The following BTN3A2 variants were observed in gnomAD, a reference collection of about 807,000 sequenced individuals.
BTN3A2 encodes butyrophilin protein.
BTN3A2 carries 25 observed loss-of-function variants against 37.6 expected under a neutral mutation model. The observed-to-expected ratio is 0.66, with a 90% CI of 0.48 to 0.93. BTN3A2 has a LOEUF of 0.93. Among genes scored for constraint, BTN3A2 ranks in the 40% least tolerant of loss-of-function variants. The pLI, the probability that BTN3A2 is intolerant of heterozygous loss-of-function variation, is 0.00. For missense variants in BTN3A2, 266 were observed against 410.9 expected (o/e 0.65, Z 3.05); for synonymous variants, 122 against 159.4 (o/e 0.77, Z 1.77).
chr6:26,370,582 A>T lies in BTN3A2; in HGVS notation c.694A>T (p.Thr232Ser), dbSNP rs750127680. 4.2e-5 allele frequency: 68 copies of T among 1,614,094 alleles called. No individual in the cohort carries two copies. Among genetic ancestry groups the T allele is most frequent in the Non-Finnish European group, 5.8e-5 (68 of 1,180,044 alleles). Residue 232 changes from threonine to serine, a missense_variant, in exon 5 of 11, where the codon ACA (threonine) becomes TCA (serine). Coordinates refer to ENST00000377708, the MANE Select transcript of BTN3A2 (RefSeq NM_007047.5). ...AAATTCCCTCCTCGGCCTGGAAAAG[A>T]CAGCCAGCATTTCCATCGCAGGTCA... ...IRNSLLGLEKTASISIADPFF... is the reference protein window; with the variant it reads ...IRNSLLGLEKSASISIADPFF...
Position 26,373,407 on chromosome 6 carries a change from T to G in BTN3A2, c.958T>G (p.Leu320Val). The G allele has an allele frequency of 6.2e-7, 1 of 1,601,690 alleles. No homozygotes were observed. Among genetic ancestry groups the G allele is most frequent in the Non-Finnish European group, 8.5e-7 (1 of 1,176,708 alleles). Residue 320 changes from leucine to valine, a missense_variant, in exon 8 of 11, where the codon TTG becomes GTG. Around this residue, in one of 3 missense-constraint regions of BTN3A2, gnomAD observed 204 missense variants for 232.6 expected, o/e 0.88. Coordinates refer to ENST00000377708, the MANE Select transcript of BTN3A2 (RefSeq NM_007047.5). ...EELKRKKIQY[L>V]TRGEESSSDT... ...TGCAGAGAGGAAAAAAATCCAGTAC[T>G]TGACTCGTGAGTGGCTTTGACATTT...
At chr6:26,374,926 GACGCA>G in intron 10 of BTN3A2, 128 bp downstream of exon 10, 4 of 966,058 alleles carry the variant, frequency 4.1e-6, no homozygotes, top group Non-Finnish European at 6.2e-6. Flanking sequence ...TGGGTAGGAA[GACGCA>G]TAAAGGGTGG....
intron 1 of BTN3A2, among the ~76,000 whole-genome samples, chr6:26,366,364 A>G (rs1762059843): frequency 6.6e-6 from 1 of 152,188 alleles, no homozygotes; most frequent in African/African-American, 2.4e-5. Context: ...CAAATAATAC[A>G]ACATTTTAAA....
Position 26,376,889 on chromosome 6 carries a change from C to T in BTN3A2, c.*1127C>T, listed in dbSNP as rs1028508504. On this transcript the variant is annotated 3_prime_UTR_variant, in exon 11 of 11. Coordinates refer to ENST00000377708, the MANE Select transcript of BTN3A2 (RefSeq NM_007047.5). ...CTGATGGGAATAAGTATCGGGCTCT[C>T]ACTGAGCCCAGAACCAACCTGAAAC... 3 of 1,613,806 alleles carry T rather than the reference C, an allele frequency of 1.9e-6. No individual in the cohort carries two copies. The highest frequency in any genetic ancestry group is 2.7e-5 in the African/African-American group (2 of 74,890).
At chr6:26,371,515 T>C (rs1008151059) in intron 5 of BTN3A2, among the ~76,000 whole-genome samples, 8 of 152,202 alleles carry the variant, frequency 5.3e-5, no homozygotes, top group African/African-American at 1.9e-4. Flanking sequence ...ACTTCCTGTA[T>C]TTTTGATGTG....
At chr6:26,369,138 G>A (rs1759837945) in intron 4 of BTN3A2, among the ~76,000 whole-genome samples, 1 of 152,068 alleles carries the variant, frequency 6.6e-6, no homozygotes, top group Non-Finnish European at 1.5e-5. Context: ...CTTTCCTCTG[G>A]CCACCAGAGA....
chr6:26,373,086 T>G lies in BTN3A2; in HGVS notation c.905T>G (p.Ile302Arg), dbSNP rs1760282486. 6.2e-7 allele frequency: 1 copy of G among 1,613,932 alleles called. No individual in the cohort carries two copies. Among genetic ancestry groups the G allele is most frequent in the Non-Finnish European group, 8.5e-7 (1 of 1,180,030 alleles). The change falls in exon 6 of 11, where the codon ATA becomes AGA. Residue 302 changes from isoleucine to arginine, a missense_variant. Coordinates refer to ENST00000377708, the MANE Select transcript of BTN3A2 (RefSeq NM_007047.5). ...EMGYAATERE[I>R]SLRESLQEEL... is the part of the protein sequence containing the mutation. ...GGATATGCTGCAACAGAGCGGGAAA[T>G]AAGCCTAAGAGGTATCCAACGCAAG... is the stretch of plus-strand genomic sequence containing the variant.
At position 26,372,867 on chromosome 6, in the gene BTN3A2, G is replaced by A. The variant is rs751799747; in HGVS notation, c.716-30G>A. Reference sequence around the variant, plus strand: ...GGCTGGGGAGGCTGAGCGCACCAGCGCCCATGACCTACAGCTCTCCCCTTC... The same window carrying A: ...GGCTGGGGAGGCTGAGCGCACCAGCACCCATGACCTACAGCTCTCCCCTTC... On this transcript the variant is annotated intron_variant, in intron 5 of 10. Transcript: ENST00000377708. The A allele has an allele frequency of 1.9e-5, 30 of 1,611,878 alleles. No individual in the cohort carries two copies. In the Admixed American group the frequency reaches 2.7e-4, roughly 14 times the overall value.
chr6:26,372,766 G>A lies in BTN3A2; in HGVS notation c.716-131G>A, dbSNP rs1760240776. ...ATAGTCCTCTGAGACTTTAGGGAGA[G>A]AATCCTTATTTAACCTCATGAGATA... On this transcript the variant is annotated intron_variant, in intron 5 of 10. Coordinates refer to ENST00000377708, the MANE Select transcript of BTN3A2 (RefSeq NM_007047.5). 12 of 1,073,288 alleles carry A rather than the reference G, an allele frequency of 1.1e-5. No homozygotes were observed. In the South Asian group the frequency reaches 1.9e-4, roughly 17 times the overall value. The allele number at this position is 1,073,288 out of a possible 1,614,324, so 66.5% of individuals were successfully genotyped here. A position where few individuals can be genotyped will look rare whatever the true frequency, so the allele number is the denominator to read the frequency against.
At chr6:26,373,591 A>C in intron 8 of BTN3A2, 178 bp downstream of exon 8, 23 of 355,828 alleles carry the variant, frequency 6.5e-5, no homozygotes, top group East Asian at 9.3e-5. Flanking sequence ...CTCTCTAGAA[A>C]AAAAAAAAAA....
rs1265048713 is a variant in BTN3A2, at chr6:26,373,290, G to A, written c.931G>A (p.Glu311Lys). ...TTATTTTCCAGAGAGCCTCCAGGAG[G>A]AACTCAGTAAGTTACCATTCCCCCA... ...EISLRESLQE[E>K]LKRKKIQYLT... Residue 311 changes from glutamate (E) to lysine (K), a missense_variant, in exon 7 of 11, where the codon GAA becomes AAA. This residue lies in a region of BTN3A2 where 204 missense variants were observed against 232.6 expected (regional missense o/e 0.88). Transcript: ENST00000377708. 1.9e-6 allele frequency: 3 copies of A among 1,585,554 alleles called. No individual in the cohort carries two copies. The highest frequency in any genetic ancestry group is 3.5e-5 in the Admixed American group (2 of 56,522).
At chr6:26,374,840 G>A in intron 10 of BTN3A2, 42 bp downstream of exon 10, 1 of 1,490,370 alleles carries the variant, frequency 6.7e-7, no homozygotes, top group Admixed American at 2.0e-5. Context: ...ACAACCTGAG[G>A]GACTATATTC....
chr6:26,375,143 T>A (rs1363497150), intron 10 of BTN3A2: 1 of 251,538 alleles, frequency 4.0e-6, no homozygotes, highest in Non-Finnish European at 7.5e-6. Flanking sequence ...CAATCTGTTT[T>A]TCATGGGGGT....
rs1308158086 is a variant in BTN3A2, at chr6:26,373,092, T to G, written c.911T>G (p.Leu304Arg). Residue 304 changes from leucine (L) to arginine (R), a missense_variant, in exon 6 of 11, where the codon CTA becomes CGA. Transcript: ENST00000377708. ...GYAATEREISLRESLQEELKR... is the reference protein window; with the variant it reads ...GYAATEREISRRESLQEELKR... ...GCTGCAACAGAGCGGGAAATAAGCC[T>G]AAGAGGTATCCAACGCAAGCAGAGA... 6.2e-7 allele frequency: 1 copy of G among 1,613,620 alleles called. No homozygotes were observed. Among genetic ancestry groups the G allele is most frequent in the Admixed American group, 1.7e-5 (1 of 59,998 alleles).
chr6:26,366,190 T>TA (rs1381510267), intron 1 of BTN3A2, among the ~76,000 whole-genome samples: 9 of 150,752 alleles, frequency 6.0e-5, no homozygotes, highest in Non-Finnish European at 8.9e-5. Flanking sequence ...AACAAACAAA[T>TA]AAAAAACCCG....
chr6:26,377,319 A>G lies in BTN3A2; in HGVS notation c.*1557A>G. On this transcript the variant is annotated 3_prime_UTR_variant, in exon 11 of 11. Transcript: ENST00000377708. The stretch of plus-strand genomic sequence containing the variant: ...GAAGCACTTTACTGATATTCATTCA[A>G]TTATTCCATAGGACAGTTGTTTGAG... The G allele has an allele frequency of 2.9e-6, 2 of 690,784 alleles. No homozygotes were observed. The highest frequency in any genetic ancestry group is 5.6e-5 in the East Asian group (2 of 35,408). The allele number at this position is 690,784 out of a possible 1,614,324, so 42.8% of individuals were successfully genotyped here. A position where few individuals can be genotyped will look rare whatever the true frequency, so the allele number is the denominator to read the frequency against.
intron 6 of BTN3A2, 41 bp from the exon 7 acceptor site, chr6:26,373,235 A>ATT: frequency 7.2e-7 from 1 of 1,393,170 alleles, no homozygotes; most frequent in Non-Finnish European, 9.8e-7. Flanking sequence ...ATAACAGTTC[A>ATT]TCTTTTTTTT....
chr6:26,369,474 T>G (rs1759882768), intron 4 of BTN3A2, among the ~76,000 whole-genome samples: 1 of 152,142 alleles, frequency 6.6e-6, no homozygotes, highest in Non-Finnish European at 1.5e-5. Context: ...GGGCTTGTGT[T>G]AGGGGATTGG....
intron 5 of BTN3A2, among the ~76,000 whole-genome samples, chr6:26,372,046 C>T (rs1760170848): frequency 6.6e-6 from 1 of 152,112 alleles, no homozygotes; most frequent in Non-Finnish European, 1.5e-5. Context: ...TGTTCACTGC[C>T]AGGGAACTTC....
Sources: gnomAD v4.1 joint callset for allele counts (sites outside exome capture counted in the v4.1 genomes callset) on GRCh38, gnomAD v4.1.1 for gene constraint, gnomAD v4.1.1 regional missense constraint, MANE v1.5 for transcripts, NCBI Gene and HGNC (gene_info 2026-07-23, HGNC 2026-07-21) for gene names.